The following NAV2 variants were observed in gnomAD, a reference collection of about 807,000 sequenced individuals.
NAV2 encodes neuron navigator 2.
A neutral mutation model predicts 223.2 loss-of-function variants in NAV2; 54 were observed. The observed-to-expected ratio is 0.24, with a 90% CI of 0.19 to 0.30. NAV2 has a LOEUF of 0.30. Among genes scored for constraint, NAV2 ranks in the 10% least tolerant of loss-of-function variants. The pLI is 1.00. For synonymous variants in NAV2, 1,279 were observed against 1,239.3 expected (o/e 1.03, Z -0.67); for missense variants, 2,806 against 3,147.5 (o/e 0.89, Z 2.60).
intron 29 of NAV2, among the ~76,000 whole-genome samples, chr11:20,094,516 C>T (rs1206155795): frequency 3.3e-5 from 5 of 152,098 alleles, no homozygotes; most frequent in Non-Finnish European, 2.9e-5. Context: ...GCGTGAACCA[C>T]CACAGCCGGC....
At chr11:19,544,851 G>T (rs1432655440) in intron 1 of NAV2, among the ~76,000 whole-genome samples, 1 of 152,226 alleles carries the variant, frequency 6.6e-6, no homozygotes, top group Non-Finnish European at 1.5e-5. Context: ...CTGTCTGTCA[G>T]CCTAATTTCC....
chr11:19,479,167 C>T (rs1409140632), intron 1 of NAV2, among the ~76,000 whole-genome samples: 1 of 152,098 alleles, frequency 6.6e-6, no homozygotes, highest in African/African-American at 2.4e-5. Flanking sequence ...AGAAACTTCT[C>T]TGACAGGGAG....
rs557795418 is a variant in NAV2 at position 19,797,189 on chromosome 11, A to G, written c.268-35295A>G. On this transcript the variant is annotated intron_variant, in intron 1 of 37. Transcript: ENST00000349880. ...AGAATCAGAGAGCAGCTAGGAGACAAGAGCAGTAGATGAGTCCCCCCACTT... is the reference window on the plus strand; with the variant it reads ...AGAATCAGAGAGCAGCTAGGAGACAGGAGCAGTAGATGAGTCCCCCCACTT... 2.0e-5 allele frequency among the ~76,000 whole-genome samples: 3 copies of G among 152,278 alleles called. No individual in the cohort carries two copies. The East Asian group carries it at 5.8e-4, about 29-fold the overall frequency.
intron 1 of NAV2, among the ~76,000 whole-genome samples, chr11:19,655,044 A>G (rs1278661055): frequency 6.6e-6 from 1 of 152,254 alleles, no homozygotes; most frequent in African/African-American, 2.4e-5. Flanking sequence ...CAAATTTACC[A>G]CAAAAAAACA....
intron 10 of NAV2, among the ~76,000 whole-genome samples, chr11:19,953,913 G>T (rs1211764137): frequency 6.6e-6 from 1 of 152,058 alleles, no homozygotes; most frequent in Non-Finnish European, 1.5e-5. Context: ...GTTCCTAGCA[G>T]GCAGACAGCA....
chr11:19,468,657 A>C (rs75437737), intron 1 of NAV2, among the ~76,000 whole-genome samples: 1 of 152,192 alleles, frequency 6.6e-6, no homozygotes. Context: ...TAGGACTTCA[A>C]TATATCTTTT....
At chr11:20,016,756 G>A (rs2054037669) in intron 11 of NAV2, among the ~76,000 whole-genome samples, 2 of 152,048 alleles carry the variant, frequency 1.3e-5, no homozygotes, top group Middle Eastern at 3.4e-3. Flanking sequence ...AGCACCTTGG[G>A]AGGCCAAGGA....
At chr11:19,524,232 C>A (rs1370469093) in intron 1 of NAV2, among the ~76,000 whole-genome samples, 1 of 152,208 alleles carries the variant, frequency 6.6e-6, no homozygotes, top group African/African-American at 2.4e-5. Context: ...GAGGAATGAG[C>A]ACCTAGCTGA....
chr11:19,609,779 G>T (rs2046584525), intron 1 of NAV2, among the ~76,000 whole-genome samples: 2 of 152,154 alleles, frequency 1.3e-5, no homozygotes, highest in Admixed American at 1.3e-4. Context: ...GTTCTCAAAG[G>T]TTCTACTCTA....
intron 1 of NAV2, among the ~76,000 whole-genome samples, chr11:19,438,445 G>C (rs1275229465): frequency 1.3e-5 from 2 of 152,134 alleles, no homozygotes; most frequent in Non-Finnish European, 2.9e-5. Flanking sequence ...CTGTATCTCA[G>C]AGTCTGTTTT....
chr11:19,749,033 A>T (rs2053593496), intron 1 of NAV2, among the ~76,000 whole-genome samples: 1 of 152,216 alleles, frequency 6.6e-6, no homozygotes, highest in African/African-American at 2.4e-5. Flanking sequence ...TACCCTTTAA[A>T]GTTTTACCAG....
Position 19,578,528 on chromosome 11 carries a change from AG to A in NAV2, c.75+227502del, listed in dbSNP as rs201643763. ...TGGGAGAATGGGATGCCTGGACTCC[AG>A]TTCTGGCCCTGCTCTGTGGTGACAT... On this transcript the variant is annotated intron_variant, in intron 1 of 37. Transcript: ENST00000360655. 6.0e-4 allele frequency among the ~76,000 whole-genome samples: 92 copies of A among 152,308 alleles called. No individual in the cohort carries two copies. The East Asian group carries it at 0.017, about 28-fold the overall frequency.
intron 22 of NAV2, among the ~76,000 whole-genome samples, chr11:20,076,797 T>C (rs778433097): frequency 1.8e-4 from 27 of 152,208 alleles, no homozygotes; most frequent in Non-Finnish European, 3.1e-4. Context: ...AATTAGATGC[T>C]ATTTTACTTA....
At chr11:19,466,012 T>C (rs1852335991) in intron 1 of NAV2, among the ~76,000 whole-genome samples, 1 of 152,214 alleles carries the variant, frequency 6.6e-6, no homozygotes, top group Admixed American at 6.5e-5. Context: ...GAAATATACA[T>C]GAATGTGTTT....
At chr11:20,096,477 T>G (rs1440495171) in intron 30 of NAV2, among the ~76,000 whole-genome samples, 1 of 152,172 alleles carries the variant, frequency 6.6e-6, no homozygotes, top group Non-Finnish European at 1.5e-5. Context: ...GTCCACGTTT[T>G]TTGTGCCAGA....
At chr11:19,867,879 G>A (rs760347100) in intron 3 of NAV2, among the ~76,000 whole-genome samples, 3 of 152,160 alleles carry the variant, frequency 2.0e-5, no homozygotes, top group South Asian at 2.1e-4. Context: ...GGAGCTAGAC[G>A]CTACTCAAAT....
intron 1 of NAV2, among the ~76,000 whole-genome samples, chr11:19,550,497 G>A (rs541559869): frequency 6.6e-6 from 1 of 152,214 alleles, no homozygotes; most frequent in Non-Finnish European, 1.5e-5. Context: ...CAAGGGGCTT[G>A]CTTAAAGGCA....
chr11:19,872,081 G>A (rs1056736997), intron 4 of NAV2, among the ~76,000 whole-genome samples: 2 of 152,144 alleles, frequency 1.3e-5, no homozygotes, highest in Admixed American at 1.3e-4. Context: ...TTGGGAAAGT[G>A]GCCCCAACGT....
At chr11:20,041,824 G>T (rs1474964636) in intron 12 of NAV2, among the ~76,000 whole-genome samples, 1 of 152,140 alleles carries the variant, frequency 6.6e-6, no homozygotes, top group African/African-American at 2.4e-5. Context: ...CTTTTACTAA[G>T]TAAGTTTCTT....
Sources: gnomAD v4.1 joint callset for allele counts (sites outside exome capture counted in the v4.1 genomes callset) on GRCh38, gnomAD v4.1.1 for gene constraint, MANE v1.5 for transcripts, NCBI Gene and HGNC (gene_info 2026-07-23, HGNC 2026-07-21) for gene names.